Variants in HNF4A observed in about 807,000 individuals in gnomAD.
HNF4A encodes the protein hepatocyte nuclear factor 4 alpha.
Under a neutral mutation model 52.4 loss-of-function variants are expected in HNF4A, and 15 were observed. The observed-to-expected ratio is 0.29, with a 90% CI of 0.19 to 0.44. HNF4A has a LOEUF of 0.44. HNF4A is among the 20% of genes least tolerant of loss of function. The pLI is 1.00. For synonymous variants in HNF4A, 280 were observed against 264.4 expected (o/e 1.06, Z -0.57); for missense variants, 479 against 647.2 (o/e 0.74, Z 2.82).
At chr20:44,414,770 T>A in intron 5 of HNF4A, 108 bp downstream of exon 5, 1 of 1,097,878 alleles carries the variant, frequency 9.1e-7, no homozygotes, top group Non-Finnish European at 1.3e-6. Context: ...TTTATTTTAT[T>A]TAACAAAATA....
chr20:44,366,622 A>C (rs2146184390), intron 1 of HNF4A, among the ~76,000 whole-genome samples: 1 of 152,324 alleles, frequency 6.6e-6, no homozygotes, highest in Non-Finnish European at 1.5e-5. Context: ...TCCTGTGTCA[A>C]AAAGAAAAAA....
intron 1 of HNF4A, among the ~76,000 whole-genome samples, chr20:44,359,249 C>G (rs2062892042): frequency 6.6e-6 from 1 of 152,214 alleles, no homozygotes; most frequent in African/African-American, 2.4e-5. Context: ...CTTCCTTCCT[C>G]TCTGCCCTCC....
intron 1 of HNF4A, among the ~76,000 whole-genome samples, chr20:44,378,092 C>T (rs1292995059): frequency 1.3e-5 from 2 of 152,190 alleles, no homozygotes; most frequent in East Asian, 3.8e-4. Flanking sequence ...TTATGCTTCA[C>T]TTTCAAATTT....
At chr20:44,420,259 G>A (rs1312105853) in intron 7 of HNF4A, among the ~76,000 whole-genome samples, 1 of 152,036 alleles carries the variant, frequency 6.6e-6, no homozygotes, top group East Asian at 1.9e-4. Context: ...TTGAACCTGG[G>A]AGGCGGAGGT....
intron 1 of HNF4A, among the ~76,000 whole-genome samples, chr20:44,364,293 C>T (rs906622325): frequency 1.3e-5 from 2 of 152,118 alleles, no homozygotes; most frequent in African/African-American, 4.8e-5. Flanking sequence ...CCTCCCGCCT[C>T]AGCCTCCCAG....
intron 1 of HNF4A, among the ~76,000 whole-genome samples, chr20:44,379,730 CTTT>C (rs33924202): frequency 5.0e-4 from 55 of 109,548 alleles, no homozygotes; most frequent in East Asian, 3.1e-3. Context: ...TTTTCTTTTC[CTTT>C]TTTTTTTTTT....
upstream of HNF4A, among the ~76,000 whole-genome samples, chr20:44,397,989 C>T (rs2425638): frequency 0.85 from 129,592 of 152,080 alleles, 55,327 homozygotes; most frequent in Middle Eastern, 0.92. Flanking sequence ...CCTTTTCCAC[C>T]TCCCGTTCTT....
intron 1 of HNF4A, among the ~76,000 whole-genome samples, chr20:44,394,394 A>G (rs897869420): frequency 1.3e-5 from 2 of 152,096 alleles, no homozygotes; most frequent in Admixed American, 1.3e-4. Context: ...CCAACCCTCA[A>G]ATAAAATATT....
At chr20:44,425,016 C>G (rs573410572) in intron 8 of HNF4A, among the ~76,000 whole-genome samples, 31 of 152,318 alleles carry the variant, frequency 2.0e-4, no homozygotes, top group Middle Eastern at 3.4e-3. Flanking sequence ...AAGTCTCCCT[C>G]AATCATCCAG....
At chr20:44,419,952 G>T (rs866652936) in intron 7 of HNF4A, 76 bp downstream of exon 7, 1 of 1,426,724 alleles carries the variant, frequency 7.0e-7, no homozygotes, top group African/African-American at 1.4e-5. Flanking sequence ...ATTGGGTTCT[G>T]TACACTGAGT....
At chr20:44,359,110 C>T (rs761865063) in intron 1 of HNF4A, among the ~76,000 whole-genome samples, 8 of 152,164 alleles carry the variant, frequency 5.3e-5, no homozygotes, top group Non-Finnish European at 5.9e-5. Flanking sequence ...TTGTTTGTCT[C>T]ACTATGTCTC....
At chr20:44,378,560 G>T (rs982341565) in intron 1 of HNF4A, among the ~76,000 whole-genome samples, 2 of 151,936 alleles carry the variant, frequency 1.3e-5, no homozygotes, top group South Asian at 2.1e-4. Context: ...GAGCCACCAC[G>T]CCCAGCCGAC....
chr20:44,368,160 A>ATATAT (rs1200638153), intron 1 of HNF4A, among the ~76,000 whole-genome samples: 16 of 27,780 alleles, frequency 5.8e-4, no homozygotes, highest in Admixed American at 1.7e-3. Flanking sequence ...ATATATATAT[A>ATATAT]TTTTTTTTTT....
chr20:44,398,551 A>C (rs2063373992), upstream of HNF4A, among the ~76,000 whole-genome samples: 1 of 152,212 alleles, frequency 6.6e-6, no homozygotes, highest in Non-Finnish European at 1.5e-5. Context: ...CTAAGGGTGG[A>C]ATGAATCATG....
chr20:44,393,871 T>C (rs2063328866), intron 1 of HNF4A, among the ~76,000 whole-genome samples: 1 of 152,086 alleles, frequency 6.6e-6, no homozygotes. Flanking sequence ...GGCATCTGTC[T>C]TTAATTTTAA....
At chr20:44,407,812 G>A (rs8114057) in intron 3 of HNF4A, among the ~76,000 whole-genome samples, 72,459 of 151,246 alleles carry the variant, frequency 0.48, 17,595 homozygotes, top group African/African-American at 0.55. Flanking sequence ...TATTTCGAAC[G>A]TTAGGACAAG....
At chr20:44,400,132 C>T (rs774492974), upstream of HNF4A, among the ~76,000 whole-genome samples, 8 of 152,128 alleles carry the variant, frequency 5.3e-5, no homozygotes, top group Admixed American at 2.6e-4. Context: ...TTCAGGGCCC[C>T]GTCCAAAACA....
At chr20:44,424,685 A>G in intron 8 of HNF4A, 1 of 1,128,744 alleles carries the variant, frequency 8.9e-7, no homozygotes, top group East Asian at 4.0e-5. Flanking sequence ...GGGAGGCCAC[A>G]GGAGACCTCT....
downstream of HNF4A, chr20:44,434,342 C>T (rs149803393): frequency 1.3e-5 from 2 of 152,128 alleles, no homozygotes; most frequent in African/African-American, 4.8e-5. Context: ...CCCTTTTTAG[C>T]GAGAAGTTAA....
Sources: gnomAD v4.1 joint callset for allele counts (sites outside exome capture counted in the v4.1 genomes callset) on GRCh38, gnomAD v4.1.1 for gene constraint, MANE v1.5 for transcripts, NCBI Gene and HGNC (gene_info 2026-07-23, HGNC 2026-07-21) for gene names.